Variants in BANK1 observed in about 807,000 individuals in gnomAD.
BANK1 encodes B-cell scaffold protein with ankyrin repeats.
A neutral mutation model predicts 94.5 loss-of-function variants in BANK1; 95 were observed. The observed-to-expected ratio is 1.00, with a 90% CI of 0.85 to 1.19. The LOEUF (loss-of-function observed/expected upper bound fraction) is 1.19, where lower values mean the gene tolerates loss of function less well. BANK1 is among the 50% of genes most tolerant of loss of function. BANK1 has a pLI of 0.00. For synonymous variants in BANK1, 334 were observed against 308.4 expected, an observed-to-expected ratio of 1.08 and a Z score of -0.87; for missense variants, 987 against 932.2, an observed-to-expected ratio of 1.06 and a Z score of -0.77.
At chr4:102,004,659 A>G (rs1726189360) in intron 7 of BANK1, among the ~76,000 whole-genome samples, 1 of 152,118 alleles carries the variant, frequency 6.6e-6, no homozygotes, top group East Asian at 1.9e-4. Flanking sequence ...GCTTTGCCTT[A>G]AGGTGGTTTT....
intron 5 of BANK1, among the ~76,000 whole-genome samples, chr4:101,875,680 A>G (rs1728465474): frequency 6.6e-6 from 1 of 152,200 alleles, no homozygotes; most frequent in Non-Finnish European, 1.5e-5. Flanking sequence ...GAGCTAAACC[A>G]TATAACCCAC....
At chr4:102,052,113 C>CTTTTTT (rs199811166) in intron 11 of BANK1, among the ~76,000 whole-genome samples, 33 of 103,974 alleles carry the variant, frequency 3.2e-4, no homozygotes, top group South Asian at 6.9e-4. Flanking sequence ...TTCTTTTTTT[C>CTTTTTT]TTTTTTTTTT....
intron 5 of BANK1, among the ~76,000 whole-genome samples, chr4:101,888,692 T>A (rs1391438794): frequency 6.6e-6 from 1 of 152,186 alleles, no homozygotes; most frequent in Non-Finnish European, 1.5e-5. Flanking sequence ...TTTAGAAAAA[T>A]CTACCTTGCA....
intron 1 of BANK1, among the ~76,000 whole-genome samples, chr4:101,809,107 T>C (rs1045990390): frequency 6.6e-6 from 1 of 152,166 alleles, no homozygotes; most frequent in East Asian, 1.9e-4. Context: ...TAAATGCCCA[T>C]CAATCAATGA....
chr4:101,951,391 C>A (rs1261213830), intron 7 of BANK1, among the ~76,000 whole-genome samples: 1 of 151,996 alleles, frequency 6.6e-6, no homozygotes, highest in Non-Finnish European at 1.5e-5. Context: ...TGTTGTTTTT[C>A]TATTCAAGGA....
intron 14 of BANK1, among the ~76,000 whole-genome samples, chr4:102,072,094 G>A (rs1728780605): frequency 6.6e-6 from 1 of 152,156 alleles, no homozygotes; most frequent in African/African-American, 2.4e-5. Context: ...AGAGGTGTTG[G>A]AAAGATTGTT....
chr4:101,858,850 A>AT (rs531180761), intron 3 of BANK1, among the ~76,000 whole-genome samples: 137 of 152,282 alleles, frequency 9.0e-4, no homozygotes, highest in African/African-American at 3.1e-3. Context: ...AAAGGTCTTT[A>AT]TTTTATATGA....
chr4:102,060,528 C>T, intron 12 of BANK1, 139 bp downstream of exon 12: 2 of 944,246 alleles, frequency 2.1e-6, no homozygotes, highest in Non-Finnish European at 3.0e-6. Context: ...TTCAAGAAAT[C>T]AAATAATGTT....
chr4:102,011,765 G>T (rs995475873), intron 7 of BANK1, among the ~76,000 whole-genome samples: 1 of 152,040 alleles, frequency 6.6e-6, no homozygotes, highest in Non-Finnish European at 1.5e-5. Context: ...TATTTTAAGA[G>T]GTTCATTTTT....
intron 7 of BANK1, among the ~76,000 whole-genome samples, chr4:101,959,143 T>TG (rs1724476128): frequency 8.7e-6 from 1 of 115,356 alleles, no homozygotes; most frequent in South Asian, 3.1e-4. Context: ...TGTTTGTTTT[T>TG]GTTTTTTTTT....
chr4:101,990,867 C>T (rs1024008725), intron 7 of BANK1, among the ~76,000 whole-genome samples: 2 of 152,124 alleles, frequency 1.3e-5, no homozygotes, highest in African/African-American at 4.8e-5. Flanking sequence ...TGGTATTTAA[C>T]TCATACCGTT....
intron 10 of BANK1, among the ~76,000 whole-genome samples, chr4:102,040,403 T>C (rs1298471655): frequency 6.6e-6 from 1 of 152,076 alleles, no homozygotes. Flanking sequence ...GTTTTGTCTG[T>C]GGACTTTTTA....
intron 7 of BANK1, among the ~76,000 whole-genome samples, chr4:101,959,800 G>T (rs941675313): frequency 2.6e-5 from 4 of 152,156 alleles, no homozygotes; most frequent in Non-Finnish European, 5.9e-5. Context: ...TTGACGAGAA[G>T]AAATTGTTTG....
In BANK1 at chr4:101,829,573, C is replaced by G. The variant is rs1179989149; in HGVS notation, c.71-235C>G. Among the ~76,000 whole-genome samples the G allele has an allele frequency of 2.0e-5, 3 of 151,376 alleles. No individual in the cohort carries two copies. The East Asian group carries it at 5.8e-4, about 29-fold the overall frequency. ...GTAATGGTATTGTTTTGGCTCGTTTCCTTATTTATTATACTCTTTCATATC... is the reference window on the plus strand; with the variant it reads ...GTAATGGTATTGTTTTGGCTCGTTTGCTTATTTATTATACTCTTTCATATC... On this transcript the variant is annotated intron_variant, in intron 1 of 16. Transcript: ENST00000322953.
chr4:101,893,539 T>G (rs1721955348), intron 5 of BANK1, among the ~76,000 whole-genome samples: 1 of 152,106 alleles, frequency 6.6e-6, no homozygotes, highest in Non-Finnish European at 1.5e-5. Context: ...TTTCATATAT[T>G]TAAAATTTCT....
intron 2 of BANK1, among the ~76,000 whole-genome samples, chr4:101,830,918 AT>A (rs566397954): frequency 5.3e-5 from 8 of 151,830 alleles, no homozygotes; most frequent in Middle Eastern, 3.2e-3. Flanking sequence ...AAAGTTGGCT[AT>A]TTTTTTTGGA....
At chr4:101,996,295 T>A (rs894744584) in intron 7 of BANK1, among the ~76,000 whole-genome samples, 11 of 152,216 alleles carry the variant, frequency 7.2e-5, no homozygotes, top group Admixed American at 4.6e-4. Flanking sequence ...ATATATCTGT[T>A]TGGTACAAGT....
intron 8 of BANK1, among the ~76,000 whole-genome samples, chr4:102,022,885 G>T (rs939472252): frequency 6.6e-6 from 1 of 152,056 alleles, no homozygotes; most frequent in Non-Finnish European, 1.5e-5. Context: ...CAGGGCATTT[G>T]CACTTTCTAT....
chr4:101,899,643 A>C lies in BANK1; in HGVS notation c.1009+4233A>C, dbSNP rs376648351. 1.2e-4 allele frequency among the ~76,000 whole-genome samples: 19 copies of C among 152,322 alleles called. No homozygotes were observed. The East Asian group carries it at 3.7e-3, about 29-fold the overall frequency. On this transcript the variant is annotated intron_variant, in intron 6 of 16. Coordinates refer to ENST00000322953, the MANE Select transcript of BANK1 (RefSeq NM_017935.5). ...TATTTCCCCAGATGTGAATTTTGAA[A>C]AGGTATGCTTACAAACATACTGTGG...
Sources: gnomAD v4.1 joint callset for allele counts (sites outside exome capture counted in the v4.1 genomes callset) on GRCh38, gnomAD v4.1.1 for gene constraint, MANE v1.5 for transcripts, NCBI Gene and HGNC (gene_info 2026-07-23, HGNC 2026-07-21) for gene names.